The following FAM13C variants were observed in gnomAD, a reference collection of about 807,000 sequenced individuals.
FAM13C encodes the protein family with sequence similarity 13 member C.
FAM13C carries 37 observed loss-of-function variants against 73.2 expected under a neutral mutation model. The observed-to-expected ratio is 0.51, with a 90% CI of 0.39 to 0.67. The LOEUF (loss-of-function observed/expected upper bound fraction) is 0.67, where lower values mean the gene tolerates loss of function less well. Ranked by LOEUF, FAM13C falls within the 30% of genes least tolerant of loss-of-function variation. The probability of loss-of-function intolerance (pLI) is 0.00; values close to 1 mark genes in which losing one functional copy is unlikely to be tolerated. For missense variants in FAM13C, 589 were observed against 715.6 expected (o/e 0.82, Z 2.02); for synonymous variants, 246 against 260.9 (o/e 0.94, Z 0.55).
At position 59,338,840 on chromosome 10, in the gene FAM13C, C is replaced by T. The variant is rs147374533; in HGVS notation, c.324+13430G>A. Among the ~76,000 whole-genome samples the T allele has an allele frequency of 5.0e-3, 764 of 152,316 alleles. 3 individuals carry two copies. The highest frequency in any genetic ancestry group is 8.0e-3 in the Non-Finnish European group (542 of 68,032). On this transcript the variant is annotated intron_variant, in intron 3 of 13. Coordinates refer to ENST00000618804, the MANE Select transcript of FAM13C (RefSeq NM_198215.4). ...TTCCCCTGGAGCAGCAAGGAGCCAG[C>T]CCACTCTAACTTCAGGAAGCCCCTT... is the stretch of plus-strand genomic sequence containing the variant.
intron 4 of FAM13C, among the ~76,000 whole-genome samples, chr10:59,316,518 C>T (rs1169901338): frequency 1.3e-5 from 2 of 152,084 alleles, no homozygotes; most frequent in African/African-American, 2.4e-5. Flanking sequence ...AGAAATGCAT[C>T]CTTAGGCTAT....
chr10:59,258,497 TA>T (rs1270886135), intron 10 of FAM13C, among the ~76,000 whole-genome samples: 2 of 152,002 alleles, frequency 1.3e-5, no homozygotes, highest in African/African-American at 2.4e-5. Flanking sequence ...AAATTTAAAA[TA>T]AAAAGGAATG....
chr10:59,355,432 T>C (rs1855578494), intron 2 of FAM13C, among the ~76,000 whole-genome samples: 1 of 152,144 alleles, frequency 6.6e-6, no homozygotes, highest in Admixed American at 6.6e-5. Flanking sequence ...CAACTTCCTT[T>C]CAGTTTAGAT....
intron 4 of FAM13C, among the ~76,000 whole-genome samples, chr10:59,312,820 A>G (rs890476265): frequency 1.3e-5 from 2 of 152,120 alleles, no homozygotes; most frequent in African/African-American, 2.4e-5. Flanking sequence ...TGGTCTTTCC[A>G]TGTCTTTGAC....
intron 4 of FAM13C, among the ~76,000 whole-genome samples, chr10:59,318,409 T>A (rs1327825584): frequency 6.6e-6 from 1 of 152,128 alleles, no homozygotes; most frequent in Non-Finnish European, 1.5e-5. Flanking sequence ...TTTATCTGTA[T>A]CTTCAGGAGC....
intron 1 of FAM13C, among the ~76,000 whole-genome samples, chr10:59,357,749 G>A (rs1052320384): frequency 2.0e-5 from 3 of 152,038 alleles, no homozygotes; most frequent in African/African-American, 7.2e-5. Flanking sequence ...TAAACAATTT[G>A]GAGACTCACA....
intron 5 of FAM13C, among the ~76,000 whole-genome samples, chr10:59,287,675 T>C (rs1045842482): frequency 1.3e-5 from 2 of 152,208 alleles, no homozygotes; most frequent in Admixed American, 6.5e-5. Context: ...AAAGGGGCAG[T>C]GTTAACAACA....
intron 6 of FAM13C, among the ~76,000 whole-genome samples, chr10:59,277,283 G>T (rs550308013): frequency 6.6e-6 from 1 of 152,144 alleles, no homozygotes; most frequent in South Asian, 2.1e-4. Context: ...CTCTAGGAAG[G>T]GTTTGGAAAA....
intron 4 of FAM13C, among the ~76,000 whole-genome samples, chr10:59,321,811 G>C (rs181817039): frequency 1.3e-5 from 2 of 151,936 alleles, no homozygotes; most frequent in Admixed American, 6.6e-5. Context: ...CTACTCCTTC[G>C]AGTCTCACCA....
At chr10:59,282,332 C>T (rs1416010525) in intron 6 of FAM13C, 1 of 152,194 alleles carries the variant, frequency 6.6e-6, no homozygotes, top group Non-Finnish European at 1.5e-5. Flanking sequence ...TATTAGTACA[C>T]ATTCCAGCAC....
At chr10:59,322,866 C>T (rs1418313458) in intron 4 of FAM13C, among the ~76,000 whole-genome samples, 4 of 152,106 alleles carry the variant, frequency 2.6e-5, no homozygotes. Context: ...GGAGAAATTA[C>T]AAGGCTGAAT....
intron 3 of FAM13C, among the ~76,000 whole-genome samples, chr10:59,340,803 C>T (rs1298508351): frequency 6.6e-6 from 1 of 150,918 alleles, no homozygotes; most frequent in Non-Finnish European, 1.5e-5. Flanking sequence ...GCAAAAGTAA[C>T]TGCGGTTTTT....
At chr10:59,248,121 A>G (rs1029323104) in intron 13 of FAM13C, among the ~76,000 whole-genome samples, 6 of 152,142 alleles carry the variant, frequency 3.9e-5, no homozygotes, top group Admixed American at 2.6e-4. Context: ...GATCAGCCCT[A>G]ATACAGTTGT....
Position 59,325,574 on chromosome 10 carries a change from T to C in FAM13C, c.325-1468A>G, listed in dbSNP as rs538328195. Among the ~76,000 whole-genome samples the C allele has an allele frequency of 3.9e-5, 6 of 152,224 alleles. No homozygotes were observed. In the South Asian group the frequency reaches 1.0e-3, roughly 26 times the overall value. ...CTACCAAAATACTGGTCAAACTCTC[T>C]CACACAATGGTTTTCACGTGAGACA... On this transcript the variant is annotated intron_variant, in intron 3 of 13. Coordinates refer to ENST00000618804, the MANE Select transcript of FAM13C (RefSeq NM_198215.4).
At chr10:59,251,786 C>A in intron 12 of FAM13C, 110 bp from the exon 13 acceptor site, 1 of 796,214 alleles carries the variant, frequency 1.3e-6, no homozygotes, top group African/African-American at 1.8e-5. Flanking sequence ...AAAAGTGTTC[C>A]CATCATAAGA....
Position 59,254,362 on chromosome 10 carries a change from G to A in FAM13C, c.1318C>T (p.Leu440Phe). 6.4e-7 allele frequency: 1 copy of A among 1,553,644 alleles called. No individual in the cohort carries two copies. Among genetic ancestry groups the A allele is most frequent in the Non-Finnish European group, 8.7e-7 (1 of 1,147,418 alleles). Reference protein sequence around the residue: ...IIKQILSTPSLIPTIQEEEDS... With the variant: ...IIKQILSTPSFIPTIQEEEDS... ...TCCTGACTTACAATTGTTGGAATAA[G>A]GGAAGGTGTTGACAAGATTTGCTTG... The change falls in exon 11 of 14, where the codon CTT (leucine) becomes TTT (phenylalanine). Residue 440 changes from leucine to phenylalanine, a missense_variant. By Grantham distance (22) the Leu-to-Phe change is conservative. Coordinates refer to ENST00000618804, the MANE Select transcript of FAM13C (RefSeq NM_198215.4).
Position 59,251,733 on chromosome 10 carries a change from A to C in FAM13C, c.1533-57T>G. The C allele has an allele frequency of 4.5e-6, 6 of 1,321,148 alleles. No homozygotes were observed. The South Asian group carries it at 8.5e-5, about 19-fold the overall frequency. 81.8% of individuals were successfully genotyped at this position (1,321,148 alleles called of 1,614,324 possible). Reference sequence around the variant, plus strand: ...GCACTGGCATAATTGAGAGATCATCATGAGCAGATTTATCTGTTCAGCCAA... The same window carrying C: ...GCACTGGCATAATTGAGAGATCATCCTGAGCAGATTTATCTGTTCAGCCAA... On this transcript the variant is annotated intron_variant, in intron 12 of 13. Transcript: ENST00000618804.
chr10:59,268,727 CAG>C lies in FAM13C; in HGVS notation c.804-38_804-37del, dbSNP rs778322175. ...TACAAGGAGGAAGGAGTATCAAAAA[CAG>C]TGGGCTTCCAGTAAACAGTTCTGTT... On this transcript the variant is annotated intron_variant, in intron 7 of 13. Coordinates refer to ENST00000618804, the MANE Select transcript of FAM13C (RefSeq NM_198215.4). 3 of 1,599,214 alleles carry C rather than the reference CAG, an allele frequency of 1.9e-6. No homozygotes were observed. In the Admixed American group the frequency reaches 5.2e-5, roughly 28 times the overall value.
In FAM13C at chr10:59,302,824, C is replaced by T. The variant is rs762515760; in HGVS notation, c.484G>A (p.Glu162Lys). The T allele has an allele frequency of 6.2e-7, 1 of 1,614,124 alleles. No individual in the cohort carries two copies. Among genetic ancestry groups the T allele is most frequent in the Admixed American group, 1.7e-5 (1 of 60,024 alleles). ...RTAISPKDAF[E>K]TRQDLNEEEA... ...ACCTCATTTAAGTCCTGCCGAGTTT[C>T]AAAAGCATCCTTTGGCGAAATGGCA... Residue 162 changes from glutamate to lysine, a missense_variant, in exon 5 of 14, where the codon GAA (glutamate) becomes AAA (lysine). By Grantham distance (56) the Glu-to-Lys change is moderately conservative (BLOSUM62 1). Transcript: ENST00000618804.
Sources: allele counts gnomAD v4.1 joint callset (sites outside exome capture counted in the v4.1 genomes callset), GRCh38; gene constraint gnomAD v4.1.1; transcripts MANE v1.5; gene names NCBI Gene and HGNC (gene_info 2026-07-23, HGNC 2026-07-21).